Variants in PIEZO1 observed in about 807,000 individuals in gnomAD.
The protein encoded by PIEZO1 is piezo-type mechanosensitive ion channel component 1.
PIEZO1 carries 296 observed loss-of-function variants against 297.2 expected under a neutral mutation model. The observed-to-expected ratio is 1.00, with a 90% CI of 0.91 to 1.10. The LOEUF (loss-of-function observed/expected upper bound fraction) is 1.10, where lower values mean the gene tolerates loss of function less well. Ranked by LOEUF, PIEZO1 falls within the 50% of genes least tolerant of loss-of-function variation. PIEZO1 has a pLI of 0.00. For synonymous variants in PIEZO1, 2,427 were observed against 1,507.5 expected, an observed-to-expected ratio of 1.61 and a Z score of -14.13; for missense variants, 5,018 against 3,455.5, an observed-to-expected ratio of 1.45 and a Z score of -11.34.
Position 88,785,196 on chromosome 16 carries a change from C to A in PIEZO1, c.-232G>T, listed in dbSNP as rs973317414. 1 of 252,356 alleles carries A rather than the reference C, an allele frequency of 4.0e-6. No homozygotes were observed. Among genetic ancestry groups the A allele is most frequent in the Non-Finnish European group, 7.4e-6 (1 of 134,424 alleles). 15.6% of individuals were successfully genotyped at this position (252,356 alleles called of 1,614,324 possible). On this transcript the variant is annotated 5_prime_UTR_variant, in exon 1 of 51. Coordinates refer to ENST00000301015, the MANE Select transcript of PIEZO1 (RefSeq NM_001142864.4). ...AGCGCAGCGCTCGGCTCACTGGGGC[C>A]GAGCTGGGCCGGACGGCGGCTCCCG...
At chr16:88,728,527 C>A (rs1451658555) in intron 22 of PIEZO1, among the ~76,000 whole-genome samples, 1 of 136,518 alleles carries the variant, frequency 7.3e-6, no homozygotes, top group Admixed American at 7.6e-5. Context: ...ACAGCCCCAT[C>A]TGCCACAGAG....
In PIEZO1 at chr16:88,715,443, C is replaced by T. The variant is rs1042176965; in HGVS notation, c.*162G>A. ...ACGCAGGCCGTGGGGACGCAGTGTC[C>T]TTCTCTGACAGCAGCATCAGGGCTC... On this transcript the variant is annotated 3_prime_UTR_variant, in exon 51 of 51. Transcript: ENST00000301015. 28 of 941,694 alleles carry T rather than the reference C, an allele frequency of 3.0e-5. No individual in the cohort carries two copies. The African/African-American group carries it at 3.9e-4, about 13-fold the overall frequency. 58.3% of individuals were successfully genotyped at this position (941,694 alleles called of 1,614,324 possible). A position where few individuals can be genotyped will look rare whatever the true frequency, so the allele number is the denominator to read the frequency against.
Position 88,736,732 on chromosome 16 carries a change from G to A in PIEZO1, c.1203C>T (p.Pro401=). 6.5e-7 allele frequency: 1 copy of A among 1,527,246 alleles called. No individual in the cohort carries two copies. The highest frequency in any genetic ancestry group is 8.8e-7 in the Non-Finnish European group (1 of 1,141,894). 94.6% of individuals were successfully genotyped at this position (1,527,246 alleles called of 1,614,324 possible). ...ACGCCTCCCTGGGCTCAGCCCGCTT[G>A]GGCCGCACTGCAGGTGGGGACAGCG... is the stretch of plus-strand genomic sequence containing the variant. ...QSSVLRRPVR[P]KRAEPREASP... The change falls in exon 11 of 51, where the codon CCC becomes CCT. Residue 401 remains proline (P), a synonymous_variant. Coordinates refer to ENST00000301015, the MANE Select transcript of PIEZO1 (RefSeq NM_001142864.4).
At chr16:88,766,144 C>G (rs1907168699) in intron 1 of PIEZO1, among the ~76,000 whole-genome samples, 1 of 152,200 alleles carries the variant, frequency 6.6e-6, no homozygotes, top group African/African-American at 2.4e-5. Flanking sequence ...CCACGCTGCC[C>G]AGTTTAGTCA....
At chr16:88,737,690 C>T (rs1273559399) in intron 9 of PIEZO1, 38 bp downstream of exon 9, 4 of 1,531,754 alleles carry the variant, frequency 2.6e-6, no homozygotes, top group Non-Finnish European at 3.5e-6. Context: ...TGGCCGGGCG[C>T]CCCCCACGCT....
chr16:88,778,305 G>T (rs539614409), intron 1 of PIEZO1, among the ~76,000 whole-genome samples: 1 of 152,184 alleles, frequency 6.6e-6, no homozygotes, highest in Non-Finnish European at 1.5e-5. Flanking sequence ...GAAACCACAG[G>T]GGGTGGCTGA....
At chr16:88,717,411 G>A (rs957254324) in intron 44 of PIEZO1, 200 bp from the exon 45 acceptor site, 7 of 646,864 alleles carry the variant, frequency 1.1e-5, no homozygotes, top group East Asian at 5.6e-5. Flanking sequence ...AGGGGTCGTT[G>A]ATCTTAGACA....
chr16:88,759,028 C>T (rs117858189), intron 1 of PIEZO1, among the ~76,000 whole-genome samples: 3 of 152,220 alleles, frequency 2.0e-5, no homozygotes, highest in African/African-American at 2.4e-5. Context: ...CTTGGTCCCC[C>T]CTACCCACGG....
At chr16:88,770,422 G>A (rs1597485809) in intron 1 of PIEZO1, among the ~76,000 whole-genome samples, 2 of 152,194 alleles carry the variant, frequency 1.3e-5, no homozygotes, top group Non-Finnish European at 2.9e-5. Context: ...GTGGGGGGAC[G>A]GGAGCGGCTG....
At chr16:88,773,896 A>C (rs1354862646) in intron 1 of PIEZO1, among the ~76,000 whole-genome samples, 1 of 152,046 alleles carries the variant, frequency 6.6e-6, no homozygotes, top group East Asian at 1.9e-4. Context: ...GGCCCTGCCA[A>C]AAGTCCCCTC....
At chr16:88,733,157 G>A (rs982453240) in intron 19 of PIEZO1, 121 bp downstream of exon 19, 11 of 960,978 alleles carry the variant, frequency 1.1e-5, no homozygotes, top group East Asian at 5.3e-5. Context: ...CGCCCCCAGG[G>A]GAGAGTCCTC....
At chr16:88,748,155 G>A (rs537496584) in intron 2 of PIEZO1, among the ~76,000 whole-genome samples, 1 of 152,282 alleles carries the variant, frequency 6.6e-6, no homozygotes, top group African/African-American at 2.4e-5. Context: ...CCCTCCCTGG[G>A]GACCTTCCTT....
intron 31 of PIEZO1, among the ~76,000 whole-genome samples, chr16:88,723,625 G>A (rs1050301650): frequency 6.6e-6 from 1 of 152,274 alleles, no homozygotes; most frequent in African/African-American, 2.4e-5. Context: ...GTCAGGCCAC[G>A]GGCAGCCACC....
intron 1 of PIEZO1, among the ~76,000 whole-genome samples, chr16:88,766,548 A>C (rs564236714): frequency 6.6e-6 from 1 of 152,330 alleles, no homozygotes; most frequent in East Asian, 1.9e-4. Context: ...GCAGGGCCCA[A>C]AGGGGAAGCT....
rs748121840 is a variant in PIEZO1 at position 88,726,406 on chromosome 16, C to G, written c.3846G>C (p.Glu1282Asp). 15 of 1,550,426 alleles carry G rather than the reference C, an allele frequency of 9.7e-6. No individual in the cohort carries two copies. The highest frequency in any genetic ancestry group is 3.5e-6 in the Non-Finnish European group (4 of 1,146,962). ...RDQDCLLPVE[E>D]AGIIWDSVCF... is the part of the protein sequence containing the mutation. ...AGACGCTGTCCCAGATGATGCCAGC[C>G]TCCTCCACAGGCAGCAGGCAGTCCT... Residue 1282 changes from glutamate to aspartate, a missense_variant, in exon 27 of 51, where the codon GAG (glutamate) becomes GAC (aspartate). By Grantham distance (45) the Glu-to-Asp change is conservative (BLOSUM62 2). Coordinates refer to ENST00000301015, the MANE Select transcript of PIEZO1 (RefSeq NM_001142864.4).
chr16:88,748,488 T>TC lies in PIEZO1; in HGVS notation c.160+895dup, dbSNP rs67008739. Among the ~76,000 whole-genome samples the TC allele has an allele frequency of 5.0e-4, 68 of 136,238 alleles. 1 individual carries two copies. Among genetic ancestry groups the TC allele is most frequent in the South Asian group, 1.7e-3 (7 of 4,106 alleles). The allele number at this position is 136,238 out of a possible 152,430, so 89.4% of individuals were successfully genotyped here. On this transcript the variant is annotated intron_variant, in intron 2 of 50. Coordinates refer to ENST00000301015, the MANE Select transcript of PIEZO1 (RefSeq NM_001142864.4). ...GGTGGTTCCCAAGGGGGGTCTCAGC[T>TC]CCCCCCCCCCCCCGCACAAGTGGAT...
At position 88,732,731 on chromosome 16, in the gene PIEZO1, G is replaced by A; in HGVS notation, c.2666C>T (p.Pro889Leu). The change falls in exon 20 of 51, where the codon CCC becomes CTC. Residue 889 changes from proline (P) to leucine (L), a missense_variant and splice_region_variant. By Grantham distance (98) the Pro-to-Leu change is moderately conservative. Coordinates refer to ENST00000301015, the MANE Select transcript of PIEZO1 (RefSeq NM_001142864.4). ...CAGCAAGTTGGTGCTGTTGGGGAAGGGCTGGCAAGAGGCCAGGCATCAGTG... is the reference window on the plus strand; with the variant it reads ...CAGCAAGTTGGTGCTGTTGGGGAAGAGCTGGCAAGAGGCCAGGCATCAGTG... ...PQEYSSNCTE[P>L]FPNSTNLLPT... 1 of 1,545,260 alleles carries A rather than the reference G, an allele frequency of 6.5e-7. No homozygotes were observed. The highest frequency in any genetic ancestry group is 8.7e-7 in the Non-Finnish European group (1 of 1,143,988).
At chr16:88,731,653 G>T in intron 22 of PIEZO1, 53 bp downstream of exon 22, 1 of 1,408,346 alleles carries the variant, frequency 7.1e-7, no homozygotes, top group Non-Finnish European at 9.8e-7. Context: ...ACACCCCCAC[G>T]GGCATCCACA....
intron 1 of PIEZO1, among the ~76,000 whole-genome samples, chr16:88,752,248 C>G (rs1051476142): frequency 6.6e-6 from 1 of 152,136 alleles, no homozygotes; most frequent in Non-Finnish European, 1.5e-5. Flanking sequence ...TTTGGGAGGC[C>G]AAGGCAGGCG....
Sources: gnomAD v4.1 joint callset for allele counts (sites outside exome capture counted in the v4.1 genomes callset) on GRCh38, gnomAD v4.1.1 for gene constraint, MANE v1.5 for transcripts, NCBI Gene and HGNC (gene_info 2026-07-23, HGNC 2026-07-21) for gene names.